The following PGAP2 variants were observed in gnomAD, a reference collection of about 807,000 sequenced individuals.
PGAP2 encodes the protein acyltransferase PGAP2.
Under a neutral mutation model 33.2 loss-of-function variants are expected in PGAP2, and 21 were observed. The ratio of observed to expected loss-of-function variants is 0.63; its 90% CI spans 0.45 to 0.91. The LOEUF is 0.91. Ranked by LOEUF, PGAP2 falls within the 40% of genes least tolerant of loss-of-function variation. PGAP2 has a pLI of 0.00. For synonymous variants in PGAP2, 161 were observed against 172.9 expected, an observed-to-expected ratio of 0.93 and a Z score of 0.54; for missense variants, 345 against 424.0, an observed-to-expected ratio of 0.81 and a Z score of 1.64.
In PGAP2 at chr11:3,808,592, C is replaced by A; in HGVS notation, c.-70C>A. ...CTCTGACCAGCCCGCAGAGCCAGCCCCCGACCCCGGGCCACCTGGGCCCCC... is the reference window on the plus strand; with the variant it reads ...CTCTGACCAGCCCGCAGAGCCAGCCACCGACCCCGGGCCACCTGGGCCCCC... On this transcript the variant is annotated 5_prime_UTR_variant, in exon 1 of 7. Coordinates refer to ENST00000278243, the MANE Select transcript of PGAP2 (RefSeq NM_014489.4). The A allele has an allele frequency of 7.4e-7, 1 of 1,347,770 alleles. No individual in the cohort carries two copies. The allele number at this position is 1,347,770 out of a possible 1,614,324, so 83.5% of individuals were successfully genotyped here.
chr11:3,811,250 G>A lies in PGAP2; in HGVS notation c.-10G>A. On this transcript the variant is annotated splice_region_variant and 5_prime_UTR_variant, in exon 2 of 7. Coordinates refer to ENST00000278243, the MANE Select transcript of PGAP2 (RefSeq NM_014489.4). This position sits in a 1 kb window ranked among gnomAD's most constrained non-coding sequence, Gnocchi z 4.6. ...TGACAGCATGCCACTCCATCCCCAG[G>A]TCTGACAAGATGTACCAGGTCCCAC... 1.2e-6 allele frequency: 2 copies of A among 1,610,830 alleles called. No homozygotes were observed. The highest frequency in any genetic ancestry group is 1.7e-6 in the Non-Finnish European group (2 of 1,178,222).
chr11:3,807,577 G>A (rs563577082), upstream of PGAP2, among the ~76,000 whole-genome samples: 2 of 152,088 alleles, frequency 1.3e-5, no homozygotes, highest in South Asian at 4.2e-4. Flanking sequence ...TAAAGTGCTG[G>A]GATTACAGGC....
At chr11:3,801,511 A>G (rs1314471448) in intron 1 of PGAP2, among the ~76,000 whole-genome samples, 1 of 151,372 alleles carries the variant, frequency 6.6e-6, no homozygotes, top group Non-Finnish European at 1.5e-5. Context: ...GCGCGGTGGC[A>G]GGCGCCTGTA....
intron 1 of PGAP2, among the ~76,000 whole-genome samples, chr11:3,801,170 T>C (rs1193804981): frequency 6.6e-6 from 1 of 151,506 alleles, no homozygotes; most frequent in African/African-American, 2.4e-5. Context: ...GAAAAAGAAA[T>C]TTGGGCAAAT....
At chr11:3,819,176 T>C (rs1048876064) in intron 3 of PGAP2, among the ~76,000 whole-genome samples, 2 of 152,130 alleles carry the variant, frequency 1.3e-5, no homozygotes, top group Non-Finnish European at 2.9e-5. Context: ...GCCTCAGCCT[T>C]GGGTAGCTGG....
In PGAP2 at chr11:3,808,638, C is replaced by A; in HGVS notation, c.-24C>A. The A allele has an allele frequency of 7.8e-7, 1 of 1,284,672 alleles. No homozygotes were observed. Among genetic ancestry groups the A allele is most frequent in the Non-Finnish European group, 9.9e-7 (1 of 1,011,462 alleles). 79.6% of individuals were successfully genotyped at this position (1,284,672 alleles called of 1,614,324 possible). Reference sequence around the variant, plus strand: ...CCCCCGGGTTCCGCCGGCACTCTCGCCACCACCGCGTGGGTGAGTATGGGC... The same window carrying A: ...CCCCCGGGTTCCGCCGGCACTCTCGACACCACCGCGTGGGTGAGTATGGGC... On this transcript the variant is annotated 5_prime_UTR_variant, in exon 1 of 7. Coordinates refer to ENST00000278243, the MANE Select transcript of PGAP2 (RefSeq NM_014489.4).
chr11:3,797,731 G>T, upstream of PGAP2: 1 of 1,260,562 alleles, frequency 7.9e-7, no homozygotes, highest in South Asian at 1.5e-5. Flanking sequence ...GAAGGAGTTC[G>T]GGGAGGCACA....
At chr11:3,798,982 T>G (rs1472896778) in intron 1 of PGAP2, among the ~76,000 whole-genome samples, 1 of 152,242 alleles carries the variant, frequency 6.6e-6, no homozygotes, top group Non-Finnish European at 1.5e-5. Flanking sequence ...ATTTCAAATG[T>G]TCCCATCTTC....
At chr11:3,814,106 A>G (rs17276405) in intron 2 of PGAP2, among the ~76,000 whole-genome samples, 14,094 of 152,210 alleles carry the variant, frequency 0.093, 907 homozygotes, top group Middle Eastern at 0.16. Flanking sequence ...GGCCAGCCCT[A>G]GGAATAAAAG....
chr11:3,801,755 G>C (rs1276291628), intron 1 of PGAP2, among the ~76,000 whole-genome samples: 5 of 151,466 alleles, frequency 3.3e-5, no homozygotes, highest in African/African-American at 4.8e-5. Flanking sequence ...GACCAGCCTG[G>C]CCAACACGGC....
chr11:3,805,953 G>A (rs1394364745), upstream of PGAP2, among the ~76,000 whole-genome samples: 4 of 146,428 alleles, frequency 2.7e-5, no homozygotes, highest in Non-Finnish European at 4.5e-5. Context: ...CCAAAGTGCT[G>A]GGATTACAGA....
chr11:3,811,504 T>A lies in PGAP2; in HGVS notation c.165+80T>A. On this transcript the variant is annotated intron_variant, in intron 2 of 6. Coordinates refer to ENST00000278243, the MANE Select transcript of PGAP2 (RefSeq NM_014489.4). The surrounding 1 kb of genome is among the most constrained non-coding windows in gnomAD (Gnocchi z 4.6). ...GATCTTGAATATCTTTTAACAAGAT[T>A]AGCCAGCTCTCCACTGGGGCCCATC... is the stretch of plus-strand genomic sequence containing the variant. 1.5e-6 allele frequency: 2 copies of A among 1,350,078 alleles called. No individual in the cohort carries two copies. Among genetic ancestry groups the A allele is most frequent in the Non-Finnish European group, 2.0e-6 (2 of 985,862 alleles). 83.6% of individuals were successfully genotyped at this position (1,350,078 alleles called of 1,614,324 possible).
chr11:3,823,546 G>A (rs12362485), intron 3 of PGAP2: 5 of 1,518,648 alleles, frequency 3.3e-6, no homozygotes, highest in Non-Finnish European at 4.4e-6. Flanking sequence ...CAGGGTCTTA[G>A]TGGAGGCACA....
chr11:3,812,989 A>G (rs1299054113), intron 2 of PGAP2, among the ~76,000 whole-genome samples: 2 of 152,166 alleles, frequency 1.3e-5, no homozygotes, highest in African/African-American at 4.8e-5. Context: ...CAGATAATGC[A>G]TCAGATATTC....
chr11:3,815,529 C>T (rs1013964907), intron 2 of PGAP2, among the ~76,000 whole-genome samples: 15 of 152,102 alleles, frequency 9.9e-5, no homozygotes, highest in Admixed American at 6.5e-4. Flanking sequence ...AGGCTGGTCT[C>T]GAACTCCTGA....
chr11:3,810,732 G>A (rs2085372797), intron 1 of PGAP2, among the ~76,000 whole-genome samples: 1 of 152,210 alleles, frequency 6.6e-6, no homozygotes, highest in Non-Finnish European at 1.5e-5. Context: ...GTGGACTGCG[G>A]TGCAGGCACA....
intron 5 of PGAP2, 39 bp downstream of exon 5, chr11:3,824,415 G>A: frequency 1.9e-6 from 3 of 1,614,150 alleles, no homozygotes; most frequent in Non-Finnish European, 2.5e-6. Context: ...AGGCAGCCCA[G>A]AAGAAAATCA....
In PGAP2 at chr11:3,824,010, A is replaced by G; in HGVS notation, c.476A>G (p.His159Arg). 5.0e-6 allele frequency: 8 copies of G among 1,613,742 alleles called. No individual in the cohort carries two copies. Among genetic ancestry groups the G allele is most frequent in the Non-Finnish European group, 6.8e-6 (8 of 1,179,930 alleles). The part of the protein sequence containing the change: ...RFLVAFAYWN[H>R]YLSCTSPCSC... ...TTGGTGGCCTTCGCCTACTGGAACC[A>G]CTACCTCAGCTGCACCTCCCCGTGT... Residue 159 changes from histidine to arginine, a missense_variant, in exon 4 of 7, where the codon CAC becomes CGC. By Grantham distance (29) the His-to-Arg change is conservative. This residue lies in a region of PGAP2 where 311 missense variants were observed against 353.6 expected (regional missense o/e 0.88). Transcript: ENST00000278243.
Position 3,825,005 on chromosome 11 carries a change from C to G in PGAP2, c.709-15C>G. The G allele has an allele frequency of 2.5e-6, 4 of 1,614,032 alleles. No individual in the cohort carries two copies. Among genetic ancestry groups the G allele is most frequent in the Non-Finnish European group, 3.4e-6 (4 of 1,179,924 alleles). ...CCCAGCAAGCTGCAGAGTGATCAGA[C>G]AGCCCATTCCCTAGGATCGCAAGTC... On this transcript the variant is annotated splice_polypyrimidine_tract_variant and intron_variant, in intron 5 of 6. Coordinates refer to ENST00000278243, the MANE Select transcript of PGAP2 (RefSeq NM_014489.4).
Sources: gnomAD v4.1 joint callset for allele counts (sites outside exome capture counted in the v4.1 genomes callset) on GRCh38, gnomAD v4.1.1 for gene constraint, gnomAD v4.1.1 regional missense constraint, Gnocchi (gnomAD v3.1) non-coding constraint, MANE v1.5 for transcripts, NCBI Gene and HGNC (gene_info 2026-07-23, HGNC 2026-07-21) for gene names.